EGFR: variants seen among roughly 807,000 people sequenced by gnomAD.
The protein encoded by EGFR is epidermal growth factor receptor.
A neutral mutation model predicts 143.0 loss-of-function variants in EGFR; 58 were observed. The ratio of observed to expected loss-of-function variants is 0.41; its 90% CI spans 0.33 to 0.50. EGFR has a LOEUF of 0.50. Among genes scored for constraint, EGFR ranks in the 20% least tolerant of loss-of-function variants. The pLI is 0.39. For synonymous variants in EGFR, 613 were observed against 594.4 expected (o/e 1.03, Z -0.45); for missense variants, 1,307 against 1,579.0 (o/e 0.83, Z 2.92).
intron 1 of EGFR, among the ~76,000 whole-genome samples, chr7:55,096,533 T>C (rs2128898026): frequency 6.6e-6 from 1 of 152,322 alleles, no homozygotes; most frequent in Admixed American, 6.5e-5. Flanking sequence ...GTTCTGTTTA[T>C]GGCCATTTTA....
At chr7:55,204,243 A>C (rs1480841807) in intron 27 of EGFR, among the ~76,000 whole-genome samples, 1 of 150,286 alleles carries the variant, frequency 6.7e-6, no homozygotes. Context: ...CACACACACC[A>C]CACACACATA....
In EGFR at chr7:55,210,630, C is replaced by T. The variant is rs1788216118; in HGVS notation, c.*5013C>T. On this transcript the variant is annotated 3_prime_UTR_variant, in exon 28 of 28. Transcript: ENST00000275493. ...GCCTAGAGAGCTAAGACACAAAGAC[C>T]TCCACATCTGTCGCTGAGAGTCAAG... The T allele has an allele frequency of 6.6e-6, 1 of 152,202 alleles. No homozygotes were observed. Among genetic ancestry groups the T allele is most frequent in the East Asian group, 1.9e-4 (1 of 5,192 alleles). 9.4% of individuals were successfully genotyped at this position (152,202 alleles called of 1,614,324 possible). A position where few individuals can be genotyped will look rare whatever the true frequency, so the allele number is the denominator to read the frequency against.
chr7:55,205,291 G>A lies in EGFR; in HGVS notation c.3307G>A (p.Gly1103Ser), dbSNP rs139388758. The A allele has an allele frequency of 1.2e-6, 2 of 1,612,852 alleles. No individual in the cohort carries two copies. Among genetic ancestry groups the A allele is most frequent in the African/African-American group, 1.3e-5 (1 of 74,884 alleles). Residue 1103 changes from glycine to serine, a missense_variant, in exon 28 of 28, where the codon GGC (glycine) becomes AGC (serine). This residue lies in a region of EGFR where 313 missense variants were observed against 312.3 expected (regional missense o/e 1.00). Coordinates refer to ENST00000275493, the MANE Select transcript of EGFR (RefSeq NM_005228.5). ...CCAGTCCGTTCCCAAAAGGCCCGCT[G>A]GCTCTGTGCAGAATCCTGTCTATCA... ...INQSVPKRPA[G>S]SVQNPVYHNQ...
chr7:55,181,566 C>T (rs1786881268), intron 20 of EGFR, 88 bp downstream of exon 20: 4 of 1,519,850 alleles, frequency 2.6e-6, no homozygotes, highest in Non-Finnish European at 3.6e-6. Context: ...CAAGAGTTTG[C>T]CATGGGGATA....
At chr7:55,145,892 G>A (rs1008682530) in intron 3 of EGFR, among the ~76,000 whole-genome samples, 2 of 152,104 alleles carry the variant, frequency 1.3e-5, no homozygotes, top group African/African-American at 4.8e-5. Flanking sequence ...TCCTCGCAGC[G>A]CCCACAGCAC....
intron 26 of EGFR, among the ~76,000 whole-genome samples, chr7:55,202,116 G>A (rs1787876749): frequency 6.6e-6 from 1 of 152,218 alleles, no homozygotes; most frequent in African/African-American, 2.4e-5. Flanking sequence ...TGAGGCCGTG[G>A]TCTAGACCGC....
chr7:55,038,986 T>C (rs1256787272), intron 1 of EGFR, among the ~76,000 whole-genome samples: 2 of 151,600 alleles, frequency 1.3e-5, no homozygotes, highest in East Asian at 3.9e-4. Flanking sequence ...CAGAGGAGGG[T>C]AGATCTGGTA....
intron 16 of EGFR, among the ~76,000 whole-genome samples, chr7:55,171,775 G>A (rs564439303): frequency 4.6e-5 from 7 of 152,354 alleles, no homozygotes; most frequent in African/African-American, 1.7e-4. Context: ...CCAGGAAAGA[G>A]TGGTGTTACT....
intron 22 of EGFR, among the ~76,000 whole-genome samples, chr7:55,196,177 G>GGTTTTTTTTTTTTTTT (rs1456606416): frequency 1.5e-3 from 21 of 13,966 alleles, no homozygotes; most frequent in African/African-American, 8.2e-3. Flanking sequence ...CATGTGTTGG[G>GGTTTTTTTTTTTTTTT]ATTTTTTTTT....
chr7:55,168,431 A>T, intron 15 of EGFR: 1 of 849,544 alleles, frequency 1.2e-6, no homozygotes, highest in Non-Finnish European at 2.0e-6. Flanking sequence ...TATAAGAAAT[A>T]GTTTGCCAAA....
intron 20 of EGFR, among the ~76,000 whole-genome samples, chr7:55,188,226 C>G (rs560281345): frequency 8.5e-5 from 13 of 152,336 alleles, no homozygotes; most frequent in African/African-American, 2.6e-4. Context: ...CACTTCCTTC[C>G]TAAGTCACTG....
chr7:55,091,261 T>A (rs991739839), intron 1 of EGFR, among the ~76,000 whole-genome samples: 1 of 152,256 alleles, frequency 6.6e-6, no homozygotes, highest in East Asian at 1.9e-4. Context: ...GGAAAAGCGC[T>A]ACAATGATGA....
intron 16 of EGFR, among the ~76,000 whole-genome samples, chr7:55,172,593 A>G (rs901069379): frequency 1.3e-5 from 2 of 152,240 alleles, no homozygotes; most frequent in African/African-American, 4.8e-5. Flanking sequence ...TGTATGGACT[A>G]TGGCACTTCA....
chr7:55,198,107 T>G (rs1300322070), intron 22 of EGFR, among the ~76,000 whole-genome samples: 3 of 152,232 alleles, frequency 2.0e-5, no homozygotes, highest in African/African-American at 7.2e-5. Context: ...TTGTAGAATT[T>G]GGCTATGAAT....
At chr7:55,129,433 A>AACATAAGG (rs773345604) in intron 1 of EGFR, among the ~76,000 whole-genome samples, 23 of 152,384 alleles carry the variant, frequency 1.5e-4, no homozygotes, top group Non-Finnish European at 3.1e-4. Flanking sequence ...GTTTCAGCTT[A>AACATAAGG]ACATAAGGAA....
chr7:55,169,888 A>G (rs1437504342), intron 15 of EGFR, among the ~76,000 whole-genome samples: 3 of 152,224 alleles, frequency 2.0e-5, no homozygotes, highest in Non-Finnish European at 2.9e-5. Context: ...TGCATCTTGT[A>G]GAAAATTTGC....
intron 1 of EGFR, among the ~76,000 whole-genome samples, chr7:55,029,811 C>A (rs560516536): frequency 6.6e-6 from 1 of 152,228 alleles, no homozygotes; most frequent in African/African-American, 2.4e-5. Context: ...CTAAACTAGA[C>A]GATCGTCAGA....
rs546947025 is a variant in EGFR, at chr7:55,092,777, G to A, written c.89-49509G>A. On this transcript the variant is annotated intron_variant, in intron 1 of 27. Transcript: ENST00000275493. ...AGCTCGGCCTGCCCCGGCGTCAGCC[G>A]CTCCTGGCAGGGCCAGCGGGCGGTG... Among the ~76,000 whole-genome samples, 14 of 152,362 alleles carry A rather than the reference G, an allele frequency of 9.2e-5. No individual in the cohort carries two copies. The South Asian group carries it at 1.0e-3, about 11-fold the overall frequency.
intron 1 of EGFR, among the ~76,000 whole-genome samples, chr7:55,094,026 T>A (rs1791291911): frequency 6.6e-6 from 1 of 152,136 alleles, no homozygotes; most frequent in South Asian, 2.1e-4. Context: ...CAGTAGAGCG[T>A]GTGTAACGTA....
Sources: gnomAD v4.1 joint callset for allele counts (sites outside exome capture counted in the v4.1 genomes callset) on GRCh38, gnomAD v4.1.1 for gene constraint, gnomAD v4.1.1 regional missense constraint, MANE v1.5 for transcripts, NCBI Gene and HGNC (gene_info 2026-07-23, HGNC 2026-07-21) for gene names.